KANK1: variants seen among roughly 807,000 people sequenced by gnomAD.
KANK1 encodes the protein KN motif and ankyrin repeat domain-containing protein 1.
KANK1 carries 109 observed loss-of-function variants against 106.2 expected under a neutral mutation model. The ratio of observed to expected loss-of-function variants is 1.03; its 90% confidence interval spans 0.88 to 1.20. The LOEUF is 1.20. KANK1 is among the 50% of genes most tolerant of loss of function. The pLI, the probability that KANK1 is intolerant of heterozygous loss-of-function variation, is 0.00. For missense variants in KANK1, 2,399 were observed against 1,710.7 expected, an observed-to-expected ratio of 1.40 and a Z score of -7.10; for synonymous variants, 873 against 652.2, an observed-to-expected ratio of 1.34 and a Z score of -5.16.
chr9:703,701 T>C (rs1384595649), intron 2 of KANK1, among the ~76,000 whole-genome samples: 2 of 150,856 alleles, frequency 1.3e-5, no homozygotes, highest in African/African-American at 4.9e-5. Context: ...CCAGGTAGAT[T>C]TTTTTTTTTA....
chr9:737,740 T>G (rs1564122616), intron 7 of KANK1, among the ~76,000 whole-genome samples: 1 of 152,202 alleles, frequency 6.6e-6, no homozygotes, highest in East Asian at 1.9e-4. Flanking sequence ...AGTGCTGTGC[T>G]GAGGAGTTGA....
chr9:536,950 A>G (rs1488972883), intron 1 of KANK1, among the ~76,000 whole-genome samples: 1 of 152,152 alleles, frequency 6.6e-6, no homozygotes, highest in Non-Finnish European at 1.5e-5. Flanking sequence ...GGCTGGCAGC[A>G]CGCACCTTGC....
intron 1 of KANK1, among the ~76,000 whole-genome samples, chr9:514,131 CCTCCCTCCCTCCCTTCCTCT>C (rs2059158107): frequency 5.8e-5 from 5 of 86,614 alleles, no homozygotes; most frequent in East Asian, 2.5e-4. Context: ...TCTCTCTCTC[CCTCCCTCCCTCCCTTCCTCT>C]CTCCCTCCCT....
rs187402066 is a variant in KANK1, at chr9:673,247, G to A, written c.-83-3643G>A. Among the ~76,000 whole-genome samples, 668 of 123,704 alleles carry A rather than the reference G, an allele frequency of 5.4e-3. 7 individuals are homozygous for A. The Middle Eastern group carries it at 0.067, about 12-fold the overall frequency. 81.2% of individuals were successfully genotyped at this position (123,704 alleles called of 152,430 possible). A position where few individuals can be genotyped will look rare whatever the true frequency, so the allele number is the denominator to read the frequency against. On this transcript the variant is annotated intron_variant, in intron 1 of 11. Transcript: ENST00000382297. ...TTTTTGAGACAGGGTCTCTCACTCT[G>A]CTGTGCAGGCTGGAATGCAGTGGCG...
At chr9:660,874 G>A (rs978279810) in intron 1 of KANK1, among the ~76,000 whole-genome samples, 1 of 152,308 alleles carries the variant, frequency 6.6e-6, no homozygotes, top group South Asian at 2.1e-4. Flanking sequence ...CATCTGGCTT[G>A]CCACAAAGGT....
chr9:586,116 G>A (rs1224536129), intron 1 of KANK1, among the ~76,000 whole-genome samples: 2 of 152,156 alleles, frequency 1.3e-5, no homozygotes, highest in African/African-American at 2.4e-5. Flanking sequence ...AGCAAGCTTT[G>A]GAGTAGATGT....
intron 1 of KANK1, among the ~76,000 whole-genome samples, chr9:670,366 C>A (rs1845598288): frequency 6.6e-6 from 1 of 152,084 alleles, no homozygotes; most frequent in Admixed American, 6.5e-5. Flanking sequence ...GGTATGTTTG[C>A]TTAGAGATTA....
chr9:665,564 A>G (rs1844376462), intron 1 of KANK1, among the ~76,000 whole-genome samples: 2 of 152,166 alleles, frequency 1.3e-5, no homozygotes, highest in African/African-American at 4.8e-5. Context: ...TGATCTGGCT[A>G]CTATAGCCTT....
intron 1 of KANK1, among the ~76,000 whole-genome samples, chr9:508,121 C>CTTTTTTT (rs71314711): frequency 1.0e-3 from 40 of 39,176 alleles, no homozygotes; most frequent in Non-Finnish European, 1.7e-3. Flanking sequence ...CCTGCTCAGC[C>CTTTTTTT]TTTTTTTTTT....
chr9:612,433 A>G (rs7029777), intron 1 of KANK1, among the ~76,000 whole-genome samples: 48,408 of 151,932 alleles, frequency 0.32, 8,516 homozygotes, highest in African/African-American at 0.46. Flanking sequence ...GTCTGCTGAA[A>G]TGGTGATAAG....
At chr9:695,102 A>G (rs551450354) in intron 2 of KANK1, among the ~76,000 whole-genome samples, 61 of 152,216 alleles carry the variant, frequency 4.0e-4, no homozygotes, top group African/African-American at 1.4e-3. Context: ...TGCATGAACT[A>G]GGAAGTGATC....
At chr9:571,557 T>C (rs1819165312) in intron 1 of KANK1, among the ~76,000 whole-genome samples, 1 of 150,884 alleles carries the variant, frequency 6.6e-6, no homozygotes, top group Admixed American at 6.7e-5. Context: ...TATGCTTCAC[T>C]TCTAAATAAA....
At chr9:654,191 C>G (rs1489973403) in intron 1 of KANK1, among the ~76,000 whole-genome samples, 16 of 152,196 alleles carry the variant, frequency 1.1e-4, no homozygotes, top group Non-Finnish European at 1.8e-4. Context: ...GTCTCTGATT[C>G]AGTAGCCCGT....
chr9:518,498 T>G (rs1417886975), intron 1 of KANK1, among the ~76,000 whole-genome samples: 1 of 151,576 alleles, frequency 6.6e-6, no homozygotes, highest in Non-Finnish European at 1.5e-5. Flanking sequence ...AGGGGAGGGG[T>G]TCGGAGCATG....
intron 1 of KANK1, among the ~76,000 whole-genome samples, chr9:547,521 T>C (rs2061005705): frequency 6.6e-6 from 1 of 151,680 alleles, no homozygotes; most frequent in South Asian, 2.1e-4. Flanking sequence ...AAGATGGTGA[T>C]GGGGAGACGG....
intron 1 of KANK1, among the ~76,000 whole-genome samples, chr9:530,847 A>T (rs552495084): frequency 7.5e-4 from 114 of 152,136 alleles, no homozygotes; most frequent in African/African-American, 2.7e-3. Context: ...AATTAGCCAG[A>T]CGTGGTGGGG....
At chr9:575,323 G>A (rs1429302727) in intron 1 of KANK1, among the ~76,000 whole-genome samples, 1 of 152,116 alleles carries the variant, frequency 6.6e-6, no homozygotes, top group African/African-American at 2.4e-5. Flanking sequence ...TCACGCAGTT[G>A]GTGACAAAAG....
At chr9:601,831 A>G (rs948552460) in intron 1 of KANK1, among the ~76,000 whole-genome samples, 5 of 151,706 alleles carry the variant, frequency 3.3e-5, no homozygotes, top group African/African-American at 1.2e-4. Flanking sequence ...TCCTTGCCCT[A>G]CTTTTGGAAT....
intron 1 of KANK1, among the ~76,000 whole-genome samples, chr9:676,254 T>G (rs1404695121): frequency 6.6e-6 from 1 of 152,156 alleles, no homozygotes; most frequent in East Asian, 1.9e-4. Context: ...TAGCCCCTAC[T>G]CAAGATGGAG....
Sources: allele counts gnomAD v4.1 joint callset (sites outside exome capture counted in the v4.1 genomes callset), GRCh38; gene constraint gnomAD v4.1.1; transcripts MANE v1.5; gene names NCBI Gene and HGNC (gene_info 2026-07-23, HGNC 2026-07-21).